The following TAFA4 variants were observed in gnomAD, a reference collection of about 807,000 sequenced individuals.
TAFA4 encodes the protein chemokine-like protein TAFA-4.
A neutral mutation model predicts 21.1 loss-of-function variants in TAFA4; 20 were observed. The observed-to-expected ratio is 0.95, with a 90% CI of 0.67 to 1.38. The LOEUF (loss-of-function observed/expected upper bound fraction) is 1.38, where lower values mean the gene tolerates loss of function less well. Ranked by LOEUF, TAFA4 falls within the 40% of genes most tolerant of loss-of-function variation. The pLI is 0.00. For synonymous variants in TAFA4, 71 were observed against 67.4 expected, an observed-to-expected ratio of 1.05 and a Z score of -0.26; for missense variants, 211 against 180.9, an observed-to-expected ratio of 1.17 and a Z score of -0.95.
intron 3 of TAFA4, among the ~76,000 whole-genome samples, chr3:68,847,263 GA>G (rs1704826557): frequency 6.6e-6 from 1 of 152,236 alleles, no homozygotes; most frequent in Non-Finnish European, 1.5e-5. Context: ...TGGCTTTTCT[GA>G]GCTGCAGTGG....
intron 3 of TAFA4, among the ~76,000 whole-genome samples, chr3:68,808,124 A>C (rs1703743737): frequency 6.6e-6 from 1 of 152,232 alleles, no homozygotes; most frequent in African/African-American, 2.4e-5. Flanking sequence ...GTTGAAAATC[A>C]CTAAGATAGA....
intron 1 of TAFA4, among the ~76,000 whole-genome samples, chr3:68,885,677 G>C (rs896266902): frequency 1.3e-5 from 2 of 152,158 alleles, no homozygotes; most frequent in South Asian, 4.1e-4. Context: ...GCATTCCCAA[G>C]ACATGCAATT....
intron 3 of TAFA4, among the ~76,000 whole-genome samples, chr3:68,797,118 A>G (rs1215182691): frequency 6.6e-6 from 1 of 152,228 alleles, no homozygotes; most frequent in Non-Finnish European, 1.5e-5. Flanking sequence ...AAACAGAATT[A>G]CCACATGATC....
chr3:68,884,347 G>A (rs1256130474), intron 2 of TAFA4, among the ~76,000 whole-genome samples: 1 of 152,160 alleles, frequency 6.6e-6, no homozygotes, highest in Non-Finnish European at 1.5e-5. Flanking sequence ...CGCCTTCTCT[G>A]TCTTTGGCAG....
chr3:68,831,445 A>G (rs1704389427), intron 3 of TAFA4, among the ~76,000 whole-genome samples: 1 of 152,158 alleles, frequency 6.6e-6, no homozygotes, highest in South Asian at 2.1e-4. Context: ...TTCACTTATG[A>G]AGCTTAGTTT....
At chr3:68,750,669 TAAGATA>T (rs1189433433) in intron 4 of TAFA4, among the ~76,000 whole-genome samples, 1 of 152,242 alleles carries the variant, frequency 6.6e-6, no homozygotes, top group East Asian at 1.9e-4. Context: ...TTTTCTTTAC[TAAGATA>T]AAGATACTAA....
chr3:68,893,677 A>G lies in TAFA4; in HGVS notation c.-122-8367T>C, dbSNP rs548960769. Among the ~76,000 whole-genome samples, 3 of 152,342 alleles carry G rather than the reference A, an allele frequency of 2.0e-5. No homozygotes were observed. In the South Asian group the frequency reaches 6.2e-4, roughly 32 times the overall value. ...AGCTCATGGACATATATACACAGTA[A>G]ATGCAGCCATGAGTGGATTACATGG... On this transcript the variant is annotated intron_variant, in intron 1 of 5. Coordinates refer to ENST00000295569, the MANE Select transcript of TAFA4 (RefSeq NM_182522.5).
intron 3 of TAFA4, among the ~76,000 whole-genome samples, chr3:68,827,014 T>G (rs1390670771): frequency 6.6e-6 from 1 of 152,032 alleles, no homozygotes; most frequent in Non-Finnish European, 1.5e-5. Context: ...TAGGTATTTC[T>G]CCTAACGCTA....
chr3:68,915,785 C>A (rs892147272), intron 1 of TAFA4, among the ~76,000 whole-genome samples: 3 of 152,174 alleles, frequency 2.0e-5, no homozygotes, highest in African/African-American at 7.2e-5. Flanking sequence ...TGATAGTTCA[C>A]TGAATATGAA....
intron 3 of TAFA4, among the ~76,000 whole-genome samples, chr3:68,846,870 C>G (rs1400659925): frequency 6.6e-6 from 1 of 152,144 alleles, no homozygotes; most frequent in Non-Finnish European, 1.5e-5. Flanking sequence ...GCAAAGATTG[C>G]TGCCTGTTCC....
intron 1 of TAFA4, among the ~76,000 whole-genome samples, chr3:68,888,684 G>T (rs1216508774): frequency 6.6e-6 from 1 of 152,030 alleles, no homozygotes; most frequent in Admixed American, 6.6e-5. Flanking sequence ...ATCTGGTGAG[G>T]GCCTTCTTGC....
At chr3:68,854,826 G>A (rs763982332) in intron 3 of TAFA4, among the ~76,000 whole-genome samples, 10 of 151,820 alleles carry the variant, frequency 6.6e-5, no homozygotes, top group Non-Finnish European at 1.2e-4. Context: ...ACAACCTTAC[G>A]CTTCTGGAAA....
intron 2 of TAFA4, chr3:68,883,031 G>C (rs987141742): frequency 6.6e-6 from 1 of 152,276 alleles, no homozygotes; most frequent in Non-Finnish European, 1.5e-5. Flanking sequence ...GGCCTAGTTA[G>C]AGCTTGGACA....
At position 68,747,418 on chromosome 3, in the gene TAFA4, A is replaced by G. The variant is rs183971658; in HGVS notation, c.286+5445T>C. On this transcript the variant is annotated intron_variant, in intron 4 of 5. Coordinates refer to ENST00000295569, the MANE Select transcript of TAFA4 (RefSeq NM_182522.5). ...TCCCATGCTGTTCTTGTGATAGTGA[A>G]TAAATCTCAGAAGATCTGATGGTTT... Among the ~76,000 whole-genome samples, 3 of 152,202 alleles carry G rather than the reference A, an allele frequency of 2.0e-5. No individual in the cohort carries two copies. The East Asian group carries it at 5.8e-4, about 30-fold the overall frequency.
At chr3:68,741,831 TC>T (rs1403794493) in intron 4 of TAFA4, among the ~76,000 whole-genome samples, 1 of 151,382 alleles carries the variant, frequency 6.6e-6, no homozygotes, top group African/African-American at 2.5e-5. Context: ...CTCCACTTTC[TC>T]TTCCAAAGAA....
intron 3 of TAFA4, among the ~76,000 whole-genome samples, chr3:68,760,505 TCC>T (rs1342448301): frequency 3.3e-5 from 5 of 152,166 alleles, no homozygotes; most frequent in Non-Finnish European, 7.3e-5. Context: ...AAATCCTTTT[TCC>T]CCTTCCTCCT....
intron 2 of TAFA4, among the ~76,000 whole-genome samples, chr3:68,881,881 G>A (rs979300740): frequency 2.0e-5 from 3 of 152,122 alleles, no homozygotes; most frequent in African/African-American, 4.8e-5. Context: ...GTGCCTCTAC[G>A]AAAGTCCCAG....
chr3:68,841,756 CT>C (rs1200933720), intron 3 of TAFA4, among the ~76,000 whole-genome samples: 1 of 151,540 alleles, frequency 6.6e-6, no homozygotes, highest in Admixed American at 6.6e-5. Flanking sequence ...TCCGTGTGTT[CT>C]CATTGTTCAA....
At chr3:68,821,239 A>C (rs1704108194) in intron 3 of TAFA4, among the ~76,000 whole-genome samples, 1 of 152,072 alleles carries the variant, frequency 6.6e-6, no homozygotes, top group African/African-American at 2.4e-5. Flanking sequence ...CAGCTATTAG[A>C]GATAATCCTA....
Sources: gnomAD v4.1 joint callset for allele counts (sites outside exome capture counted in the v4.1 genomes callset) on GRCh38, gnomAD v4.1.1 for gene constraint, MANE v1.5 for transcripts, NCBI Gene and HGNC (gene_info 2026-07-23, HGNC 2026-07-21) for gene names.